PPA2: variants seen among roughly 807,000 people sequenced by gnomAD.
The protein encoded by PPA2 is inorganic pyrophosphatase 2.
PPA2 carries 48 observed loss-of-function variants against 49.5 expected under a neutral mutation model. The observed-to-expected ratio is 0.97, with a 90% CI of 0.77 to 1.23. The LOEUF (loss-of-function observed/expected upper bound fraction) is 1.23. PPA2 is among the 50% of genes most tolerant of loss of function. The probability of loss-of-function intolerance (pLI) is 0.00; values close to 1 mark genes in which losing one functional copy is unlikely to be tolerated. For synonymous variants in PPA2, 131 were observed against 139.9 expected (o/e 0.94, Z 0.45); for missense variants, 429 against 410.1 (o/e 1.05, Z -0.40).
chr4:105,399,405 T>C (rs1395736548), intron 7 of PPA2: 2 of 317,710 alleles, frequency 6.3e-6, no homozygotes, highest in Non-Finnish European at 1.1e-5. Context: ...CTTCAGACAA[T>C]GTGCTATGTA....
chr4:105,453,695 G>A, intron 2 of PPA2, 53 bp from the exon 3 acceptor site: 2 of 1,356,630 alleles, frequency 1.5e-6, no homozygotes, highest in East Asian at 2.3e-5. Flanking sequence ...AGTATACAGT[G>A]GCACTGCATA....
At position 105,474,037 on chromosome 4, in the gene PPA2, AG is replaced by A. The variant is rs2110340264; in HGVS notation, c.13del (p.Leu5CysfsTer51). 2 of 1,591,956 alleles carry A rather than the reference AG, an allele frequency of 1.3e-6. No individual in the cohort carries two copies. Among genetic ancestry groups the A allele is most frequent in the African/African-American group, 2.7e-5 (2 of 74,168 alleles). On this transcript the variant is annotated frameshift_variant, in exon 1 of 12. Transcript: ENST00000341695. LOFTEE classifies it high-confidence loss of function. Reference protein sequence around the residue: MSALLRLLRTGAPAA... With the variant: MSALXRLLRTGAPAA... Reference sequence around the variant, plus strand: ...TGGGGCACCCGTGCGCAGCAGCCGCAGCAGCGCGCTCATGGCGTCAATGACG... The same window carrying A: ...TGGGGCACCCGTGCGCAGCAGCCGCACAGCGCGCTCATGGCGTCAATGACG...
intron 6 of PPA2, among the ~76,000 whole-genome samples, chr4:105,434,723 T>G (rs1353897123): frequency 6.6e-6 from 1 of 152,198 alleles, no homozygotes; most frequent in African/African-American, 2.4e-5. Context: ...AGATAAGACA[T>G]GTATAGGTTA....
chr4:105,461,102 C>T (rs995731752), intron 1 of PPA2, among the ~76,000 whole-genome samples: 1 of 152,108 alleles, frequency 6.6e-6, no homozygotes, highest in African/African-American at 2.4e-5. Flanking sequence ...TAAATTTGCA[C>T]AGGAGCAATG....
rs73836266 is a variant in PPA2 at position 105,473,548 on chromosome 4, C to A, written c.157+346G>T. 2.0e-3 allele frequency: 1,053 copies of A among 520,620 alleles called. 7 individuals are homozygous for A. Among genetic ancestry groups the A allele is most frequent in the African/African-American group, 0.016 (833 of 51,224 alleles). 32.3% of individuals were successfully genotyped at this position (520,620 alleles called of 1,614,324 possible). Reference sequence around the variant, plus strand: ...AGTTGTGTGAACCGGGAACGGCGGCCGGGCCGGCTAATGGCTGCAGGCCGC... The same window carrying A: ...AGTTGTGTGAACCGGGAACGGCGGCAGGGCCGGCTAATGGCTGCAGGCCGC... On this transcript the variant is annotated intron_variant, in intron 1 of 11. Transcript: ENST00000341695.
At chr4:105,375,905 A>G (rs1733230542) in intron 10 of PPA2, among the ~76,000 whole-genome samples, 1 of 152,192 alleles carries the variant, frequency 6.6e-6, no homozygotes, top group South Asian at 2.1e-4. Context: ...ACTATTTAAA[A>G]TATTAATTAA....
At chr4:105,441,275 C>G (rs567809280) in intron 5 of PPA2, among the ~76,000 whole-genome samples, 111 of 152,124 alleles carry the variant, frequency 7.3e-4, no homozygotes, top group Non-Finnish European at 1.4e-3. Flanking sequence ...GGCAACCCAA[C>G]TAAAATGGGT....
At chr4:105,430,200 G>GA (rs1265649974) in intron 6 of PPA2, among the ~76,000 whole-genome samples, 3 of 152,270 alleles carry the variant, frequency 2.0e-5, no homozygotes, top group East Asian at 1.9e-4. Flanking sequence ...TATTTTGAGG[G>GA]AAAAAATACT....
chr4:105,435,901 C>G (rs1156801496), intron 6 of PPA2, among the ~76,000 whole-genome samples: 1 of 152,058 alleles, frequency 6.6e-6, no homozygotes, highest in African/African-American at 2.4e-5. Flanking sequence ...CAGAATAAGA[C>G]AAGGATGTCC....
At chr4:105,441,197 T>G (rs1028952413) in intron 5 of PPA2, among the ~76,000 whole-genome samples, 2 of 152,176 alleles carry the variant, frequency 1.3e-5, no homozygotes, top group African/African-American at 4.8e-5. Context: ...TAATATTGGT[T>G]TCACAAAAAT....
intron 10 of PPA2, among the ~76,000 whole-genome samples, chr4:105,374,857 T>TC (rs1450979096): frequency 6.6e-6 from 1 of 150,504 alleles, no homozygotes; most frequent in Non-Finnish European, 1.5e-5. Flanking sequence ...TTTTCTTTTT[T>TC]CTTTTTTTTT....
intron 4 of PPA2, chr4:105,448,036 G>A: frequency 2.6e-6 from 1 of 383,326 alleles, no homozygotes; most frequent in South Asian, 2.0e-5. Context: ...GTTAGCCACT[G>A]CACTCGGCCT....
At chr4:105,401,464 T>C (rs1483031407) in intron 7 of PPA2, among the ~76,000 whole-genome samples, 3 of 152,158 alleles carry the variant, frequency 2.0e-5, no homozygotes, top group Admixed American at 6.5e-5. Context: ...AATATAAAAT[T>C]TGCCATGTTA....
chr4:105,385,366 A>G (rs1033082898), intron 10 of PPA2, among the ~76,000 whole-genome samples: 7 of 152,136 alleles, frequency 4.6e-5, no homozygotes, highest in South Asian at 2.1e-4. Context: ...CCCAGAACCT[A>G]TATCTTACCA....
intron 1 of PPA2, among the ~76,000 whole-genome samples, chr4:105,460,754 A>C (rs1392833327): frequency 6.6e-6 from 1 of 151,988 alleles, no homozygotes; most frequent in Non-Finnish European, 1.5e-5. Context: ...TTTGTAATTA[A>C]GAGTAAATAA....
At chr4:105,469,560 A>G (rs1339492423) in intron 1 of PPA2, among the ~76,000 whole-genome samples, 1 of 152,238 alleles carries the variant, frequency 6.6e-6, no homozygotes, top group Non-Finnish European at 1.5e-5. Flanking sequence ...TGGAAGCTTC[A>G]GCAATGACTA....
At chr4:105,464,799 C>T (rs886413033) in intron 1 of PPA2, among the ~76,000 whole-genome samples, 7 of 152,196 alleles carry the variant, frequency 4.6e-5, no homozygotes, top group Admixed American at 3.3e-4. Flanking sequence ...CCATGTGGAA[C>T]TGTAAGTCCA....
intron 7 of PPA2, among the ~76,000 whole-genome samples, chr4:105,421,282 T>A (rs1723240370): frequency 6.6e-6 from 1 of 152,084 alleles, no homozygotes; most frequent in Admixed American, 6.5e-5. Context: ...TTAAGAAATA[T>A]AAGCACATCA....
Position 105,438,052 on chromosome 4 carries a change from T to TAAA in PPA2, c.442-19_442-17dup. 1 of 1,499,460 alleles carries TAAA rather than the reference T, an allele frequency of 6.7e-7. No individual in the cohort carries two copies. The allele number at this position is 1,499,460 out of a possible 1,614,324, so 92.9% of individuals were successfully genotyped here. ...CTTCCCAAGTCTAAAATTTTTTTTTTAAAAAAAAGCAGAAATGTAAGTTAA... is the reference window on the plus strand; with the variant it reads ...CTTCCCAAGTCTAAAATTTTTTTTTTAAAAAAAAAAAGCAGAAATGTAAGTTAA... On this transcript the variant is annotated splice_polypyrimidine_tract_variant and intron_variant, in intron 5 of 11. Transcript: ENST00000341695.
Sources: allele counts gnomAD v4.1 joint callset (sites outside exome capture counted in the v4.1 genomes callset), GRCh38; gene constraint gnomAD v4.1.1; transcripts MANE v1.5; gene names NCBI Gene and HGNC (gene_info 2026-07-23, HGNC 2026-07-21).